PDE4B: variants seen among roughly 807,000 people sequenced by gnomAD.
PDE4B encodes the protein 3',5'-cyclic-AMP phosphodiesterase 4B.
In PDE4B, 20 loss-of-function variants were observed where a neutral mutation model predicts 82.2. That is an observed-to-expected ratio of 0.24 (90% confidence interval 0.17 to 0.35). PDE4B has a LOEUF of 0.35. Among genes scored for constraint, PDE4B ranks in the 10% least tolerant of loss-of-function variants. The probability of loss-of-function intolerance (pLI) is 1.00; values close to 1 mark genes in which losing one functional copy is unlikely to be tolerated. For synonymous variants in PDE4B, 320 were observed against 318.9 expected (o/e 1.00, Z -0.04); for missense variants, 655 against 907.2 (o/e 0.72, Z 3.57).
At chr1:66,207,266 A>G (rs968010664) in intron 3 of PDE4B, among the ~76,000 whole-genome samples, 1 of 152,224 alleles carries the variant, frequency 6.6e-6, no homozygotes, top group Admixed American at 6.5e-5. Context: ...ATGTAAATTT[A>G]TAATGATATT....
At chr1:66,051,300 A>G (rs1016743633) in intron 3 of PDE4B, among the ~76,000 whole-genome samples, 8 of 152,140 alleles carry the variant, frequency 5.3e-5, no homozygotes, top group African/African-American at 1.9e-4. Context: ...AATAATGAGT[A>G]TTAGAATCTG....
chr1:65,934,067 A>G (rs1416651410), intron 3 of PDE4B, among the ~76,000 whole-genome samples: 1 of 152,222 alleles, frequency 6.6e-6, no homozygotes, highest in Non-Finnish European at 1.5e-5. Flanking sequence ...AGACTAATAG[A>G]TATTTTATGT....
At chr1:66,051,245 C>A (rs1655010926) in intron 3 of PDE4B, among the ~76,000 whole-genome samples, 1 of 151,428 alleles carries the variant, frequency 6.6e-6, no homozygotes, top group Non-Finnish European at 1.5e-5. Context: ...TGAAAGAAAA[C>A]AAAATAAGTG....
At chr1:66,192,562 T>G (rs1195739665) in intron 3 of PDE4B, among the ~76,000 whole-genome samples, 1 of 152,182 alleles carries the variant, frequency 6.6e-6, no homozygotes, top group South Asian at 2.1e-4. Context: ...CCTTCATATT[T>G]ATACCCATTA....
rs558097815 is a variant in PDE4B, at chr1:66,326,507, T to A, written c.635-6001T>A. On this transcript the variant is annotated intron_variant, in intron 7 of 16. Coordinates refer to ENST00000341517, the MANE Select transcript of PDE4B (RefSeq NM_002600.4). The stretch of plus-strand genomic sequence containing the variant: ...TATACATTTTAATATTTGGTTTCCT[T>A]TGTTCCACATTTATGTTTATGATAT... 1.4e-4 allele frequency among the ~76,000 whole-genome samples: 21 copies of A among 152,372 alleles called. No homozygotes were observed. The South Asian group carries it at 4.3e-3, about 32-fold the overall frequency.
At chr1:66,204,065 A>G (rs1649300426) in intron 3 of PDE4B, among the ~76,000 whole-genome samples, 1 of 152,232 alleles carries the variant, frequency 6.6e-6, no homozygotes, top group Non-Finnish European at 1.5e-5. Context: ...TCCTTCTAAC[A>G]GACAGGACCC....
chr1:65,858,646 A>G (rs540135922), intron 1 of PDE4B, among the ~76,000 whole-genome samples: 1 of 152,148 alleles, frequency 6.6e-6, no homozygotes, highest in East Asian at 1.9e-4. Context: ...TTTTTCATCT[A>G]TCTTTTATAC....
At chr1:66,037,739 T>C (rs1206844513) in intron 3 of PDE4B, among the ~76,000 whole-genome samples, 1 of 152,168 alleles carries the variant, frequency 6.6e-6, no homozygotes, top group Non-Finnish European at 1.5e-5. Flanking sequence ...TTAAATATGA[T>C]GTTAGGTGTG....
intron 3 of PDE4B, among the ~76,000 whole-genome samples, chr1:66,225,518 A>C (rs1651379877): frequency 6.6e-6 from 1 of 152,180 alleles, no homozygotes; most frequent in African/African-American, 2.4e-5. Context: ...AATTCAATGA[A>C]GGTCTGTTTC....
At chr1:66,141,336 A>ATG (rs1646166561) in intron 3 of PDE4B, among the ~76,000 whole-genome samples, 1 of 69,404 alleles carries the variant, frequency 1.4e-5, no homozygotes, top group Non-Finnish European at 4.1e-5. Context: ...GAATATATAT[A>ATG]TATATATATA....
intron 1 of PDE4B, among the ~76,000 whole-genome samples, chr1:65,814,398 T>C (rs1226538471): frequency 6.6e-6 from 1 of 152,248 alleles, no homozygotes; most frequent in African/African-American, 2.4e-5. Context: ...TATATATTCT[T>C]ATAACCAATG....
At chr1:66,240,190 G>A (rs1318735017) in intron 3 of PDE4B, among the ~76,000 whole-genome samples, 1 of 152,250 alleles carries the variant, frequency 6.6e-6, no homozygotes, top group Non-Finnish European at 1.5e-5. Context: ...CAGTCTTGTT[G>A]AAGTTCGTCT....
chr1:66,282,487 T>C (rs1452560660), intron 7 of PDE4B, among the ~76,000 whole-genome samples: 1 of 152,218 alleles, frequency 6.6e-6, no homozygotes, highest in African/African-American at 2.4e-5. Flanking sequence ...GTAGTGAAAC[T>C]GAGGTGTGTC....
intron 3 of PDE4B, among the ~76,000 whole-genome samples, chr1:66,092,475 G>A (rs979498690): frequency 2.6e-5 from 4 of 151,948 alleles, no homozygotes; most frequent in South Asian, 2.1e-4. Context: ...TAGGTACCAG[G>A]TTCTGTGCCA....
chr1:66,291,002 C>T (rs1292491917), intron 7 of PDE4B, among the ~76,000 whole-genome samples: 1 of 152,130 alleles, frequency 6.6e-6, no homozygotes, highest in Non-Finnish European at 1.5e-5. Context: ...GACCAGGGTA[C>T]CTCCTCTACC....
chr1:65,955,462 T>C (rs1285692231), intron 3 of PDE4B, among the ~76,000 whole-genome samples: 1 of 152,096 alleles, frequency 6.6e-6, no homozygotes, highest in African/African-American at 2.4e-5. Flanking sequence ...ATAGAAATAG[T>C]AATAGAACTC....
chr1:66,200,151 G>C (rs1486854909), intron 3 of PDE4B, among the ~76,000 whole-genome samples: 1 of 152,138 alleles, frequency 6.6e-6, no homozygotes, highest in African/African-American at 2.4e-5. Flanking sequence ...AGATCAGATA[G>C]TTGTAGATAT....
chr1:66,202,757 G>T (rs1298465835), intron 3 of PDE4B, among the ~76,000 whole-genome samples: 6 of 151,964 alleles, frequency 3.9e-5, no homozygotes, highest in Non-Finnish European at 8.8e-5. Flanking sequence ...ACGTGAGATG[G>T]GTTTCCTGAA....
intron 3 of PDE4B, among the ~76,000 whole-genome samples, chr1:66,228,888 T>C (rs928272453): frequency 3.6e-5 from 5 of 140,618 alleles, no homozygotes; most frequent in Non-Finnish European, 6.2e-5. Context: ...AGTTCTCCTA[T>C]GTTGTAAAGT....
Sources: gnomAD v4.1 joint callset for allele counts (sites outside exome capture counted in the v4.1 genomes callset) on GRCh38, gnomAD v4.1.1 for gene constraint, MANE v1.5 for transcripts, NCBI Gene and HGNC (gene_info 2026-07-23, HGNC 2026-07-21) for gene names.